Variants in ARMH1 observed in about 807,000 individuals in gnomAD.
ARMH1 encodes the protein armadillo like helical domain containing 1.
ARMH1 carries 34 observed loss-of-function variants against 50.2 expected under a neutral mutation model. The ratio of observed to expected loss-of-function variants is 0.68; its 90% CI spans 0.51 to 0.90. ARMH1 has a LOEUF of 0.90. Ranked by LOEUF, ARMH1 falls within the 40% of genes least tolerant of loss-of-function variation. ARMH1 has a pLI of 0.00. For synonymous variants in ARMH1, 221 were observed against 224.2 expected (o/e 0.99, Z 0.13); for missense variants, 538 against 553.9 (o/e 0.97, Z 0.29).
At chr1:44,699,173 A>T (rs527857006) in intron 4 of ARMH1, among the ~76,000 whole-genome samples, 1 of 151,308 alleles carries the variant, frequency 6.6e-6, no homozygotes. Context: ...AATGGCAGCT[A>T]CTTGGGAGGC....
intron 4 of ARMH1, among the ~76,000 whole-genome samples, chr1:44,699,199 G>T (rs1343689029): frequency 6.7e-6 from 1 of 149,172 alleles, no homozygotes; most frequent in East Asian, 2.0e-4. Context: ...TGGGAGAATC[G>T]CTTGAACCCG....
At chr1:44,706,644 C>T (rs934896707) in intron 6 of ARMH1, among the ~76,000 whole-genome samples, 5 of 152,140 alleles carry the variant, frequency 3.3e-5, no homozygotes, top group Admixed American at 6.5e-5. Flanking sequence ...GCAACATTGT[C>T]GGTTTTGTAT....
At chr1:44,721,696 T>C (rs755137975) in intron 6 of ARMH1, 2 of 152,106 alleles carry the variant, frequency 1.3e-5, no homozygotes, top group Non-Finnish European at 2.9e-5. Context: ...ACCACTCCGC[T>C]ACAACCTGGG....
chr1:44,719,241 T>G (rs1646983260), intron 6 of ARMH1, among the ~76,000 whole-genome samples: 1 of 71,414 alleles, frequency 1.4e-5, no homozygotes, highest in South Asian at 4.2e-4. Flanking sequence ...AAAACTAGCT[T>G]TTATAGGGCT....
intron 6 of ARMH1, among the ~76,000 whole-genome samples, chr1:44,710,608 C>CAAA (rs56731047): frequency 1.1e-3 from 106 of 92,314 alleles, no homozygotes; most frequent in South Asian, 1.7e-3. Flanking sequence ...GACTCCGTCT[C>CAAA]AAAAAAAAAA....
intron 6 of ARMH1, chr1:44,723,870 C>G: frequency 2.2e-6 from 1 of 449,136 alleles, no homozygotes; most frequent in South Asian, 3.7e-5. Flanking sequence ...TCTGGGGTCT[C>G]AGCCTCCAGC....
chr1:44,709,210 T>C (rs1299197414), intron 6 of ARMH1, among the ~76,000 whole-genome samples: 1 of 152,190 alleles, frequency 6.6e-6, no homozygotes, highest in Non-Finnish European at 1.5e-5. Flanking sequence ...TGGTTTTGCC[T>C]TAGTCTCCTT....
intron 1 of ARMH1, among the ~76,000 whole-genome samples, chr1:44,678,413 G>C: frequency 6.6e-6 from 1 of 151,996 alleles, no homozygotes. Flanking sequence ...AAAAGGTGGG[G>C]GCAGATGGAG....
intron 1 of ARMH1, among the ~76,000 whole-genome samples, chr1:44,687,155 G>A (rs1402119657): frequency 6.6e-6 from 1 of 152,136 alleles, no homozygotes; most frequent in African/African-American, 2.4e-5. Context: ...TGAGATTACA[G>A]TGTCACAGGG....
intron 5 of ARMH1, among the ~76,000 whole-genome samples, chr1:44,702,001 A>T (rs1241998558): frequency 1.3e-5 from 2 of 151,494 alleles, no homozygotes; most frequent in Non-Finnish European, 2.9e-5. Context: ...GCTGCTCGGG[A>T]GGCTGTGGTG....
At chr1:44,713,244 A>G (rs1646699300) in intron 6 of ARMH1, among the ~76,000 whole-genome samples, 1 of 151,772 alleles carries the variant, frequency 6.6e-6, no homozygotes, top group South Asian at 2.1e-4. Flanking sequence ...GACCACAAGC[A>G]TGCAGCACCA....
chr1:44,692,454 T>C (rs565844293), intron 2 of ARMH1, among the ~76,000 whole-genome samples: 2 of 152,094 alleles, frequency 1.3e-5, no homozygotes, highest in East Asian at 3.9e-4. Flanking sequence ...TATCTCTCTT[T>C]CCCCCCACTG....
intron 5 of ARMH1, among the ~76,000 whole-genome samples, chr1:44,703,127 G>A (rs1197856033): frequency 6.6e-6 from 1 of 152,106 alleles, no homozygotes; most frequent in Non-Finnish European, 1.5e-5. Context: ...AGTTTGAGGA[G>A]AGAGGAAAAA....
intron 5 of ARMH1, among the ~76,000 whole-genome samples, chr1:44,701,957 T>C (rs188880161): frequency 1.3e-3 from 190 of 150,694 alleles, no homozygotes; most frequent in Non-Finnish European, 2.5e-3. Flanking sequence ...AAAATAATAA[T>C]AACTGGCTGT....
At chr1:44,707,852 GA>G (rs1646412473) in intron 6 of ARMH1, among the ~76,000 whole-genome samples, 1 of 152,238 alleles carries the variant, frequency 6.6e-6, no homozygotes, top group South Asian at 2.1e-4. Flanking sequence ...GAGGCAGTGG[GA>G]ACGTGACTCT....
intron 6 of ARMH1, among the ~76,000 whole-genome samples, chr1:44,717,325 A>ATCCC (rs1412281476): frequency 6.6e-6 from 1 of 152,204 alleles, no homozygotes; most frequent in African/African-American, 2.4e-5. Flanking sequence ...GCTCTGATGC[A>ATCCC]TGACCCAGCA....
intron 6 of ARMH1, among the ~76,000 whole-genome samples, chr1:44,716,945 G>A (rs1298126393): frequency 1.3e-5 from 2 of 151,206 alleles, no homozygotes; most frequent in African/African-American, 4.9e-5. Flanking sequence ...CTGCTGCACA[G>A]GTAAAAGATA....
intron 1 of ARMH1, among the ~76,000 whole-genome samples, chr1:44,687,910 G>A (rs1021144167): frequency 6.6e-6 from 1 of 152,136 alleles, no homozygotes; most frequent in Non-Finnish European, 1.5e-5. Flanking sequence ...TCCTGGAATC[G>A]CTGGGTGCAT....
At position 44,725,481 on chromosome 1, in the gene ARMH1, C is replaced by T; in HGVS notation, c.*78C>T. 1 of 1,384,946 alleles carries T rather than the reference C, an allele frequency of 7.2e-7. No homozygotes were observed. Among genetic ancestry groups the T allele is most frequent in the Admixed American group, 2.0e-5 (1 of 49,638 alleles). 85.8% of individuals were successfully genotyped at this position (1,384,946 alleles called of 1,614,324 possible). On this transcript the variant is annotated 3_prime_UTR_variant, in exon 12 of 12. Transcript: ENST00000535358. ...CAAGAGGAAGGCGCCTGGGGTCAAG[C>T]TCAGAGCCACTCCACTTGGCTCCAG...
Sources: gnomAD v4.1 joint callset for allele counts (sites outside exome capture counted in the v4.1 genomes callset) on GRCh38, gnomAD v4.1.1 for gene constraint, MANE v1.5 for transcripts, NCBI Gene and HGNC (gene_info 2026-07-23, HGNC 2026-07-21) for gene names.